Variants in IL23R observed in about 807,000 individuals in gnomAD.
IL23R encodes interleukin 23 receptor.
IL23R carries 34 observed loss-of-function variants against 56.9 expected under a neutral mutation model. The ratio of observed to expected loss-of-function variants is 0.60; its 90% CI spans 0.45 to 0.80. The LOEUF is 0.80. Ranked by LOEUF, IL23R falls within the 30% of genes least tolerant of loss-of-function variation. The pLI, the probability that IL23R is intolerant of heterozygous loss-of-function variation, is 0.00. For synonymous variants in IL23R, 230 were observed against 249.2 expected (o/e 0.92, Z 0.73); for missense variants, 635 against 730.0 (o/e 0.87, Z 1.50).
At chr1:67,166,758 G>C (rs1451679220) in intron 1 of IL23R, among the ~76,000 whole-genome samples, 2 of 152,064 alleles carry the variant, frequency 1.3e-5, no homozygotes, top group Non-Finnish European at 2.9e-5. Context: ...CATTTTTAGG[G>C]CTTCTGTTGC....
intron 4 of IL23R, among the ~76,000 whole-genome samples, chr1:67,187,988 G>T (rs528621353): frequency 4.6e-5 from 7 of 152,202 alleles, no homozygotes; most frequent in Admixed American, 2.6e-4. Flanking sequence ...GGAGGTGAAG[G>T]TTGCAGTGAG....
chr1:67,183,865 C>A (rs759544033), intron 4 of IL23R, among the ~76,000 whole-genome samples: 3 of 152,106 alleles, frequency 2.0e-5, no homozygotes, highest in Non-Finnish European at 2.9e-5. Context: ...AGTTTTAAAA[C>A]CTGGAAAGTT....
chr1:67,228,118 T>G (rs1180143969), intron 7 of IL23R, among the ~76,000 whole-genome samples: 7 of 127,590 alleles, frequency 5.5e-5, no homozygotes, highest in Admixed American at 8.8e-5. Flanking sequence ...CTCTCTTTCT[T>G]TCTTTCTTTC....
intron 1 of IL23R, among the ~76,000 whole-genome samples, chr1:67,154,483 G>A (rs1646754778): frequency 6.6e-6 from 1 of 151,980 alleles, no homozygotes; most frequent in Non-Finnish European, 1.5e-5. Flanking sequence ...AGCTCTTCTT[G>A]TTGTATTGAT....
At chr1:67,254,105 A>G (rs931567622) in intron 9 of IL23R, among the ~76,000 whole-genome samples, 1 of 152,036 alleles carries the variant, frequency 6.6e-6, no homozygotes, top group African/African-American at 2.4e-5. Context: ...GTCTCGCTCT[A>G]TCATCCATAC....
At chr1:67,245,197 G>C (rs1044439304) in intron 9 of IL23R, among the ~76,000 whole-genome samples, 4 of 152,122 alleles carry the variant, frequency 2.6e-5, no homozygotes, top group Non-Finnish European at 4.4e-5. Flanking sequence ...GCTTATCAGT[G>C]TGAGGAGTTT....
intron 4 of IL23R, among the ~76,000 whole-genome samples, chr1:67,194,926 TTTAAC>T (rs1329407168): frequency 6.6e-6 from 1 of 152,224 alleles, no homozygotes; most frequent in African/African-American, 2.4e-5. Context: ...AACGGCATAA[TTTAAC>T]TTAAGATACA....
intron 7 of IL23R, among the ~76,000 whole-genome samples, chr1:67,221,859 T>G (rs945288912): frequency 5.9e-5 from 9 of 152,086 alleles, no homozygotes; most frequent in African/African-American, 2.2e-4. Flanking sequence ...TTCTGGTATC[T>G]CCTACTGCCC....
chr1:67,146,685 A>G (rs1646682279), intron 1 of IL23R, among the ~76,000 whole-genome samples: 1 of 152,180 alleles, frequency 6.6e-6, no homozygotes, highest in Non-Finnish European at 1.5e-5. Flanking sequence ...AAGGTATTTC[A>G]TGTAATCAGA....
chr1:67,265,355 C>G, the IL23R span, among the ~76,000 whole-genome samples: 1 of 152,116 alleles, frequency 6.6e-6, no homozygotes, highest in Non-Finnish European at 1.5e-5. Context: ...CCACTCCTAC[C>G]CCATCATCAA....
chr1:67,255,243 C>A (rs139761406), intron 9 of IL23R, among the ~76,000 whole-genome samples: 1 of 151,928 alleles, frequency 6.6e-6, no homozygotes, highest in Non-Finnish European at 1.5e-5. Flanking sequence ...AATATGTGTA[C>A]GGTTTCACTG....
At chr1:67,204,249 G>T (rs1648851040) in intron 5 of IL23R, among the ~76,000 whole-genome samples, 1 of 152,100 alleles carries the variant, frequency 6.6e-6, no homozygotes, top group African/African-American at 2.4e-5. Flanking sequence ...ATTTTTAGTA[G>T]AGATGGGGTT....
rs1455151608 is a variant in IL23R, at chr1:67,169,370, C to T, written c.99C>T (p.His33=). The change falls in exon 3 of 11, where the codon CAC becomes CAT. Residue 33 remains histidine (H), a synonymous_variant. Transcript: ENST00000347310. ...GGITNINCSG[H]IWVEPATIFK... Reference sequence around the variant, plus strand: ...TTACAAATATAAACTGCTCTGGCCACATCTGGGTAGAACCAGCCACAATTT... The same window carrying T: ...TTACAAATATAAACTGCTCTGGCCATATCTGGGTAGAACCAGCCACAATTT... 8 of 1,612,596 alleles carry T rather than the reference C, an allele frequency of 5.0e-6. No individual in the cohort carries two copies. The highest frequency in any genetic ancestry group is 1.7e-5 in the Admixed American group (1 of 59,960).
intron 7 of IL23R, among the ~76,000 whole-genome samples, chr1:67,226,410 A>G (rs1650620834): frequency 2.0e-5 from 3 of 152,044 alleles, no homozygotes; most frequent in Admixed American, 2.0e-4. Context: ...AGGGGGATAG[A>G]GTGGGAGGAT....
At chr1:67,243,377 G>A (rs543852651) in intron 9 of IL23R, among the ~76,000 whole-genome samples, 23 of 152,066 alleles carry the variant, frequency 1.5e-4, no homozygotes, top group Admixed American at 1.4e-3. Context: ...CGTTACATAG[G>A]TATACATGTG....
intron 6 of IL23R, among the ~76,000 whole-genome samples, chr1:67,216,400 C>T (rs113690478): frequency 4.3e-4 from 66 of 152,146 alleles, no homozygotes; most frequent in Non-Finnish European, 1.0e-4. Context: ...GAAATCTCAG[C>T]TATGTGTTCA....
chr1:67,265,126 C>T, the IL23R span, among the ~76,000 whole-genome samples: 11 of 152,280 alleles, frequency 7.2e-5, no homozygotes, highest in East Asian at 1.7e-3. Flanking sequence ...GTGTGAGGTA[C>T]GGAAGTCAAT....
chr1:67,241,631 G>A (rs1377276586), intron 9 of IL23R, among the ~76,000 whole-genome samples: 1 of 152,174 alleles, frequency 6.6e-6, no homozygotes, highest in African/African-American at 2.4e-5. Flanking sequence ...TGTCCTGATG[G>A]TCACACATTT....
intron 7 of IL23R, among the ~76,000 whole-genome samples, chr1:67,224,742 C>T (rs190811584): frequency 1.1e-4 from 17 of 152,304 alleles, no homozygotes; most frequent in Admixed American, 9.8e-4. Flanking sequence ...GAAAATCAAT[C>T]CTCCAGAATA....
Sources: gnomAD v4.1 joint callset for allele counts (sites outside exome capture counted in the v4.1 genomes callset) on GRCh38, gnomAD v4.1.1 for gene constraint, MANE v1.5 for transcripts, NCBI Gene and HGNC (gene_info 2026-07-23, HGNC 2026-07-21) for gene names.